Variants in CCDC127 observed in about 807,000 individuals in gnomAD.
The protein encoded by CCDC127 is coiled-coil domain containing 127.
Under a neutral mutation model 4.1 loss-of-function variants are expected in CCDC127, and 2 were observed. That is an observed-to-expected ratio of 0.49 (90% CI 0.20 to 1.53). The LOEUF is 1.53. CCDC127 is among the 40% of genes most tolerant of loss of function. The probability of loss-of-function intolerance (pLI) is 0.23; values close to 1 mark genes in which losing one functional copy is unlikely to be tolerated. For missense variants in CCDC127, 271 were observed against 322.9 expected (o/e 0.84, Z 1.23); for synonymous variants, 98 against 120.4 (o/e 0.81, Z 1.22).
chr5:203,841 G>T lies in CCDC127; in HGVS notation c.*1456C>A, dbSNP rs1014646867. On this transcript the variant is annotated 3_prime_UTR_variant, in exon 3 of 3. Coordinates refer to ENST00000296824, the MANE Select transcript of CCDC127 (RefSeq NM_145265.3). ...TCCACATCTCCGTAAAGTGAGGTGC[G>T]TGGTGACGAATTCACACAGCAGGCC... is the stretch of plus-strand genomic sequence containing the variant. 6.6e-6 allele frequency: 1 copy of T among 152,252 alleles called. No homozygotes were observed. The highest frequency in any genetic ancestry group is 2.4e-5 in the African/African-American group (1 of 41,448). The allele number at this position is 152,252 out of a possible 1,614,324, so 9.4% of individuals were successfully genotyped here.
chr5:205,488 G>C lies in CCDC127; in HGVS notation c.592C>G (p.Pro198Ala). The C allele has an allele frequency of 6.2e-7, 1 of 1,613,970 alleles. No homozygotes were observed. Among genetic ancestry groups the C allele is most frequent in the South Asian group, 1.1e-5 (1 of 91,074 alleles). Residue 198 changes from proline to alanine, a missense_variant, in exon 3 of 3, where the codon CCC (proline) becomes GCC (alanine). By Grantham distance (27) the Pro-to-Ala change is conservative. Around this residue, in one of 2 missense-constraint regions of CCDC127, gnomAD observed 265 missense variants for 270.9 expected, o/e 0.98. Transcript: ENST00000296824. ...GCCATCTCTAGGTCAGCGGCGACGG[G>C]GTCGACGGACGCTCGCACCAGTAAG... ...KSLLVRASVD[P>A]VAADLEMAAG...
Position 210,553 on chromosome 5 carries a change from C to T in CCDC127, c.122-4595G>A, listed in dbSNP as rs113185373. Among the ~76,000 whole-genome samples the T allele has an allele frequency of 8.0e-3, 1,225 of 152,336 alleles. 25 individuals are homozygous for T. The highest frequency in any genetic ancestry group is 0.028 in the African/African-American group (1,173 of 41,572). ...ACGTGAAGAGGTGCTCGACATCACA[C>T]CCTGGAGCCACGATGAGAAAAGATG... is the stretch of plus-strand genomic sequence containing the variant. On this transcript the variant is annotated intron_variant, in intron 2 of 2. Transcript: ENST00000296824.
At chr5:209,035 G>A (rs550072025) in intron 2 of CCDC127, among the ~76,000 whole-genome samples, 1 of 152,252 alleles carries the variant, frequency 6.6e-6, no homozygotes, top group East Asian at 1.9e-4. Flanking sequence ...TGAAAATTCT[G>A]GAACTGAAAA....
intron 2 of CCDC127, among the ~76,000 whole-genome samples, chr5:206,680 CAAT>C (rs899951361): frequency 2.0e-5 from 3 of 152,174 alleles, no homozygotes; most frequent in African/African-American, 7.2e-5. Context: ...TGTGTTTCAA[CAAT>C]AAAAAAAGAC....
rs1373382433 is a variant in CCDC127 at position 218,148 on chromosome 5, C to T, written c.-66G>A. ...CCCTTAACGCCACCGTCCGCGGGTCCGCTTTGCGCAGGCGCGGCGCCCCCA... is the reference window on the plus strand; with the variant it reads ...CCCTTAACGCCACCGTCCGCGGGTCTGCTTTGCGCAGGCGCGGCGCCCCCA... On this transcript the variant is annotated 5_prime_UTR_variant, in exon 1 of 3. Transcript: ENST00000296824. The T allele has an allele frequency of 4.8e-6, 6 of 1,241,622 alleles. No homozygotes were observed. Among genetic ancestry groups the T allele is most frequent in the Non-Finnish European group, 6.1e-6 (6 of 991,446 alleles). The allele number at this position is 1,241,622 out of a possible 1,614,324, so 76.9% of individuals were successfully genotyped here.
At chr5:209,666 C>G (rs73730763) in intron 2 of CCDC127, among the ~76,000 whole-genome samples, 14,621 of 125,334 alleles carry the variant, frequency 0.12, 806 homozygotes, top group African/African-American at 0.16. Context: ...CCTGGCCACA[C>G]ACATCATTCC....
intron 2 of CCDC127, among the ~76,000 whole-genome samples, chr5:207,373 G>C (rs1734196389): frequency 6.6e-6 from 1 of 152,182 alleles, no homozygotes; most frequent in Non-Finnish European, 1.5e-5. Context: ...GCCTGACCAG[G>C]AAAGAAGCTG....
intron 2 of CCDC127, among the ~76,000 whole-genome samples, chr5:213,612 G>A (rs553678875): frequency 2.5e-4 from 31 of 123,480 alleles, no homozygotes; most frequent in East Asian, 7.9e-4. Context: ...GTGTGAGCAC[G>A]CTGATGCTCG....
At chr5:218,038 CG>C (rs1734464170) in intron 1 of CCDC127, 54 bp downstream of exon 1, 1 of 1,037,652 alleles carries the variant, frequency 9.6e-7, no homozygotes, top group Non-Finnish European at 1.2e-6. Context: ...GAACCACCCA[CG>C]GGGCTTTAAA....
chr5:217,989 G>T, intron 1 of CCDC127, 104 bp downstream of exon 1: 2 of 673,810 alleles, frequency 3.0e-6, no homozygotes, highest in Non-Finnish European at 3.8e-6. Context: ...ATTCCCTGCG[G>T]TCTGGGCGTT....
intron 2 of CCDC127, among the ~76,000 whole-genome samples, chr5:207,935 C>T (rs1366192550): frequency 6.6e-6 from 1 of 152,132 alleles, no homozygotes. Context: ...CACGGTTAAA[C>T]GTCAGACCCC....
rs1261988844 is a variant in CCDC127, at chr5:202,971, A to G, written c.*2326T>C. 1 of 152,194 alleles carries G rather than the reference A, an allele frequency of 6.6e-6. No individual in the cohort carries two copies. The highest frequency in any genetic ancestry group is 2.4e-5 in the African/African-American group (1 of 41,438). The allele number at this position is 152,194 out of a possible 1,614,324, so 9.4% of individuals were successfully genotyped here. On this transcript the variant is annotated 3_prime_UTR_variant, in exon 3 of 3. Coordinates refer to ENST00000296824, the MANE Select transcript of CCDC127 (RefSeq NM_145265.3). ...TTAGGGGCCGGGTGCCGTGGCCCAC[A>G]CCTGTAATCCCAGTGCTGTGGGAGG...
chr5:203,672 A>C lies in CCDC127; in HGVS notation c.*1625T>G, dbSNP rs951919454. 3.3e-5 allele frequency: 5 copies of C among 152,144 alleles called. No homozygotes were observed. The highest frequency in any genetic ancestry group is 3.3e-4 in the Admixed American group (5 of 15,280). The allele number at this position is 152,144 out of a possible 1,614,324, so 9.4% of individuals were successfully genotyped here. A position where few individuals can be genotyped will look rare whatever the true frequency, so the allele number is the denominator to read the frequency against. ...AGGGGAGAACATGGCCCTTGAAAGC[A>C]GATGGACAACCTGCTCCCGCTCCTG... On this transcript the variant is annotated 3_prime_UTR_variant, in exon 3 of 3. Transcript: ENST00000296824.
chr5:217,783 T>A, intron 1 of CCDC127, among the ~76,000 whole-genome samples: 1 of 152,194 alleles, frequency 6.6e-6, no homozygotes, highest in Admixed American at 6.5e-5. Flanking sequence ...AAGAATTTAC[T>A]GATTTACTGA....
At chr5:211,317 G>C (rs1579361311) in intron 2 of CCDC127, among the ~76,000 whole-genome samples, 1 of 68,418 alleles carries the variant, frequency 1.5e-5, no homozygotes, top group Non-Finnish European at 2.9e-5. Flanking sequence ...CTGCAGCCAC[G>C]ACGAGACAGC....
intron 2 of CCDC127, among the ~76,000 whole-genome samples, chr5:208,452 C>G (rs913420694): frequency 6.6e-6 from 1 of 152,238 alleles, no homozygotes; most frequent in African/African-American, 2.4e-5. Flanking sequence ...GAAAATGTTC[C>G]GACAGTAATC....
In CCDC127 at chr5:199,853, G is replaced by C. The variant is rs938490475; in HGVS notation, c.*5444C>G. ...ACTTTCTGCCCATCTGCCTTTCTTCGTTACTCCTCCCTCCTCACCCCACTC... is the reference window on the plus strand; with the variant it reads ...ACTTTCTGCCCATCTGCCTTTCTTCCTTACTCCTCCCTCCTCACCCCACTC... On this transcript the variant is annotated 3_prime_UTR_variant, in exon 3 of 3. Transcript: ENST00000296824. 1.3e-5 allele frequency: 2 copies of C among 152,416 alleles called. No individual in the cohort carries two copies. Among genetic ancestry groups the C allele is most frequent in the Non-Finnish European group, 2.9e-5 (2 of 68,278 alleles). 9.4% of individuals were successfully genotyped at this position (152,416 alleles called of 1,614,324 possible).
In CCDC127 at chr5:205,920, T is replaced by C. The variant is rs752786955; in HGVS notation, c.160A>G (p.Lys54Glu). ...CTCCGACGGTAGGCTTCTCTCTCTT[T>C]TTCTACTTCTTTCTGGGACTCCCTA... ...WSRESQKEVEKEREAYRRRTA... is the reference protein window; with the variant it reads ...WSRESQKEVEEEREAYRRRTA... Residue 54 changes from lysine to glutamate, a missense_variant, in exon 3 of 3, where the codon AAA (lysine) becomes GAA (glutamate). This residue lies in a region of CCDC127 where 265 missense variants were observed against 270.9 expected (regional missense o/e 0.98). Coordinates refer to ENST00000296824, the MANE Select transcript of CCDC127 (RefSeq NM_145265.3). 8 of 1,613,690 alleles carry C rather than the reference T, an allele frequency of 5.0e-6. No homozygotes were observed. In the Admixed American group the frequency reaches 1.0e-4, roughly 20 times the overall value.
In CCDC127 at chr5:205,643, T is replaced by C; in HGVS notation, c.437A>G (p.Gln146Arg). The change falls in exon 3 of 3, where the codon CAA becomes CGA. Residue 146 changes from glutamine (Q) to arginine (R), a missense_variant. Physicochemically the swap from Gln to Arg is conservative, Grantham distance 43. Transcript: ENST00000296824. ...TCTCCTTTGCCAGTTTTCTTCCCTTTGCAGGCAGCTCAAATACGCACTTCT... is the reference window on the plus strand; with the variant it reads ...TCTCCTTTGCCAGTTTTCTTCCCTTCGCAGGCAGCTCAAATACGCACTTCT... ...PLRSAYLSCL[Q>R]REENWQRRAR... 1 of 1,614,254 alleles carries C rather than the reference T, an allele frequency of 6.2e-7. No individual in the cohort carries two copies. Among genetic ancestry groups the C allele is most frequent in the Non-Finnish European group, 8.5e-7 (1 of 1,180,042 alleles).
Sources: gnomAD v4.1 joint callset for allele counts (sites outside exome capture counted in the v4.1 genomes callset) on GRCh38, gnomAD v4.1.1 for gene constraint, gnomAD v4.1.1 regional missense constraint, MANE v1.5 for transcripts, NCBI Gene and HGNC (gene_info 2026-07-23, HGNC 2026-07-21) for gene names.